Variants in MUC5AC observed in about 807,000 individuals in gnomAD.
MUC5AC encodes mucin 5AC, oligomeric mucus/gel-forming.
In MUC5AC, 158 loss-of-function variants were observed where a neutral mutation model predicts 169.7. The observed-to-expected ratio is 0.93, with a 90% CI of 0.82 to 1.06. MUC5AC has a LOEUF of 1.06. MUC5AC is among the 50% of genes least tolerant of loss of function. The pLI, the probability that MUC5AC is intolerant of heterozygous loss-of-function variation, is 0.00. For missense variants in MUC5AC, 4,359 were observed against 3,089.9 expected (o/e 1.41, Z -9.74); for synonymous variants, 1,975 against 1,237.0 (o/e 1.60, Z -12.52).
chr11:1,187,320 A>G lies in MUC5AC; in HGVS notation c.9175A>G (p.Ser3059Gly), dbSNP rs1222080419. Residue 3059 changes from serine (S) to glycine (G), a missense_variant, in exon 31 of 49, where the codon AGC (serine) becomes GGC (glycine). Coordinates refer to ENST00000621226, the MANE Select transcript of MUC5AC (RefSeq NM_001304359.2). ...CAGCACAACCTCGGCTTCTACCACCAGCATAACTTCTGGTCCTGGAACTAC... is the reference window on the plus strand; with the variant it reads ...CAGCACAACCTCGGCTTCTACCACCGGCATAACTTCTGGTCCTGGAACTAC... ...QTSTTSASTT[S>G]ITSGPGTTPS... 0.16 allele frequency: 113,524 copies of G among 715,798 alleles called. 10,569 individuals are homozygous for G. The highest frequency in any genetic ancestry group is 0.19 in the Non-Finnish European group (76,527 of 393,512). The allele number at this position is 715,798 out of a possible 1,614,324, so 44.3% of individuals were successfully genotyped here. A position where few individuals can be genotyped will look rare whatever the true frequency, so the allele number is the denominator to read the frequency against.
rs769128504 is a variant in MUC5AC at position 1,164,180 on chromosome 11, G to A, written c.864G>A (p.Leu288=). The change falls in exon 8 of 49, where the codon CTG becomes CTA. Residue 288 remains leucine, a synonymous_variant. Coordinates refer to ENST00000621226, the MANE Select transcript of MUC5AC (RefSeq NM_001304359.2). ...CVALVDVGSY[L]EACRQDLCFC... is the part of the protein sequence containing the mutation. ...CCCTGGTGGACGTCGGCAGCTACCT[G>A]GAGGCTTGCAGGCAAGACCTCTGCT... The A allele has an allele frequency of 4.3e-6, 7 of 1,612,422 alleles. No homozygotes were observed. The highest frequency in any genetic ancestry group is 5.9e-6 in the Non-Finnish European group (7 of 1,179,880).
In MUC5AC at chr11:1,190,938, A is replaced by G; in HGVS notation, c.12793A>G (p.Thr4265Ala). ...TCCAAGCCCTGTTCCCAGCACCAGT[A>G]CAACCTCTGCTGCTACAACCAGCAC... is the stretch of plus-strand genomic sequence containing the variant. ...TTPSPVPSTS[T>A]TSAATTSTTS... Residue 4265 changes from threonine to alanine, a missense_variant, in exon 31 of 49, where the codon ACA becomes GCA. Thr to Ala is a moderately conservative substitution (Grantham distance 58, BLOSUM62 0). Coordinates refer to ENST00000621226, the MANE Select transcript of MUC5AC (RefSeq NM_001304359.2). The G allele has an allele frequency of 1.4e-6, 1 of 738,360 alleles. No homozygotes were observed. Among genetic ancestry groups the G allele is most frequent in the Admixed American group, 1.8e-5 (1 of 54,872 alleles). 45.7% of individuals were successfully genotyped at this position (738,360 alleles called of 1,614,324 possible).
Position 1,190,786 on chromosome 11 carries a change from C to T in MUC5AC, c.12641C>T (p.Thr4214Ile). ...TPQTSKTSAA[T>I]SSTTSGSGTT... The stretch of plus-strand genomic sequence containing the variant: ...CAGACCAGCAAAACCTCAGCTGCTA[C>T]AAGCAGCACAACCTCCGGTTCTGGA... The change falls in exon 31 of 49, where the codon ACA becomes ATA. Residue 4214 changes from threonine to isoleucine, a missense_variant. Coordinates refer to ENST00000621226, the MANE Select transcript of MUC5AC (RefSeq NM_001304359.2). The T allele has an allele frequency of 2.8e-6, 2 of 715,138 alleles. No homozygotes were observed. Among genetic ancestry groups the T allele is most frequent in the East Asian group, 2.6e-5 (1 of 38,076 alleles). 44.3% of individuals were successfully genotyped at this position (715,138 alleles called of 1,614,324 possible).
chr11:1,170,446 C>CA (rs1303007403), intron 15 of MUC5AC, among the ~76,000 whole-genome samples: 1 of 143,826 alleles, frequency 7.0e-6, no homozygotes, highest in African/African-American at 2.6e-5. Flanking sequence ...TTCACCCACT[C>CA]ACTCACCCAC....
Position 1,189,073 on chromosome 11 carries a change from G to A in MUC5AC, c.10928G>A (p.Ser3643Asn). Residue 3643 changes from serine (S) to asparagine (N), a missense_variant, in exon 31 of 49, where the codon AGC becomes AAC. By Grantham distance (46) the Ser-to-Asn change is conservative. Transcript: ENST00000621226. Reference sequence around the variant, plus strand: ...AGCACCCCTAGTGGGAGAGCCACCAGCCCAACTCAGAGCACCTCCTCTTGG... The same window carrying A: ...AGCACCCCTAGTGGGAGAGCCACCAACCCAACTCAGAGCACCTCCTCTTGG... ...APSTPSGRAT[S>N]PTQSTSSWQK... is the part of the protein sequence containing the mutation. 1 of 627,742 alleles carries A rather than the reference G, an allele frequency of 1.6e-6. No individual in the cohort carries two copies. The highest frequency in any genetic ancestry group is 2.9e-6 in the Non-Finnish European group (1 of 350,474). The allele number at this position is 627,742 out of a possible 1,614,324, so 38.9% of individuals were successfully genotyped here. A position where few individuals can be genotyped will look rare whatever the true frequency, so the allele number is the denominator to read the frequency against.
Position 1,191,859 on chromosome 11 carries a change from G to A in MUC5AC, c.13714G>A (p.Val4572Ile), listed in dbSNP as rs2133768378. The A allele has an allele frequency of 1.3e-6, 1 of 759,232 alleles. No homozygotes were observed. Among genetic ancestry groups the A allele is most frequent in the Non-Finnish European group, 2.4e-6 (1 of 416,488 alleles). The allele number at this position is 759,232 out of a possible 1,614,324, so 47.0% of individuals were successfully genotyped here. Residue 4572 changes from valine to isoleucine, a missense_variant, in exon 31 of 49, where the codon GTT becomes ATT. Transcript: ENST00000621226. Reference sequence around the variant, plus strand: ...TGGTCCTGGAACTACTCCCAGCCCTGTTCCCACCACCAGCACAACCTCTGC... The same window carrying A: ...TGGTCCTGGAACTACTCCCAGCCCTATTCCCACCACCAGCACAACCTCTGC... ...TSGPGTTPSP[V>I]PTTSTTSAPT... is the part of the protein sequence containing the mutation.
intron 41 of MUC5AC, 51 bp from the exon 42 acceptor site, chr11:1,197,852 C>T (rs894756274): frequency 1.3e-5 from 6 of 465,532 alleles, no homozygotes; most frequent in East Asian, 5.8e-5. Flanking sequence ...GGTGGGCCTT[C>T]GGGTGGGGGC....
At chr11:1,197,853 G>T in intron 41 of MUC5AC, 50 bp from the exon 42 acceptor site, 1 of 687,918 alleles carries the variant, frequency 1.5e-6, no homozygotes, top group Non-Finnish European at 2.6e-6. Context: ...GTGGGCCTTC[G>T]GGTGGGGGCG....
Position 1,182,718 on chromosome 11 carries a change from C to A in MUC5AC, c.4573C>A (p.Pro1525Thr), listed in dbSNP as rs879197594. 2 of 398,580 alleles carry A rather than the reference C, an allele frequency of 5.0e-6. No individual in the cohort carries two copies. Among genetic ancestry groups the A allele is most frequent in the Non-Finnish European group, 8.8e-6 (2 of 226,080 alleles). The allele number at this position is 398,580 out of a possible 1,614,324, so 24.7% of individuals were successfully genotyped here. A position where few individuals can be genotyped will look rare whatever the true frequency, so the allele number is the denominator to read the frequency against. Residue 1525 changes from proline (P) to threonine (T), a missense_variant, in exon 31 of 49, where the codon CCT (proline) becomes ACT (threonine). Pro to Thr is a conservative substitution (Grantham distance 38). Transcript: ENST00000621226. ...TVSLSTARTTPAPGTATSVKK... is the reference protein window; with the variant it reads ...TVSLSTARTTTAPGTATSVKK... Reference sequence around the variant, plus strand: ...GTCTCTCTCTACAGCCAGGACGACACCTGCCCCAGGTACCGCTACCTCTGT... The same window carrying A: ...GTCTCTCTCTACAGCCAGGACGACAACTGCCCCAGGTACCGCTACCTCTGT...
At position 1,183,655 on chromosome 11, in the gene MUC5AC, G is replaced by A. The variant is rs1479474106; in HGVS notation, c.5510G>A (p.Arg1837His). ...PFKMCLNYEV[R>H]VLCCETPRGC... ...AAGATGTGCCTCAACTACGAGGTGC[G>A]TGTGCTCTGCTGCGAGACCCCCAGA... The change falls in exon 31 of 49, where the codon CGT becomes CAT. Residue 1837 changes from arginine to histidine, a missense_variant. Arg to His is a conservative substitution (Grantham distance 29). Coordinates refer to ENST00000621226, the MANE Select transcript of MUC5AC (RefSeq NM_001304359.2). The A allele has an allele frequency of 3.3e-5, 21 of 637,228 alleles. No homozygotes were observed. The highest frequency in any genetic ancestry group is 1.2e-4 in the Admixed American group (5 of 42,338). 39.5% of individuals were successfully genotyped at this position (637,228 alleles called of 1,614,324 possible).
Position 1,165,374 on chromosome 11 carries a change from C to T in MUC5AC, c.1202C>T (p.Ala401Val), listed in dbSNP as rs762231087. 1.4e-5 allele frequency: 22 copies of T among 1,612,338 alleles called. No individual in the cohort carries two copies. The African/African-American group carries it at 2.1e-4, about 16-fold the overall frequency. The change falls in exon 10 of 49, where the codon GCT becomes GTT. Residue 401 changes from alanine (A) to valine (V), a missense_variant. Physicochemically the swap from Ala to Val is moderately conservative, Grantham distance 64. Transcript: ENST00000621226. ...VSKCACVYNG[A>V]AYAPGATYST... ...AAGTGTGCCTGCGTCTACAACGGGGCTGCCTATGCCCCAGGGGCCACCTAC... is the reference window on the plus strand; with the variant it reads ...AAGTGTGCCTGCGTCTACAACGGGGTTGCCTATGCCCCAGGGGCCACCTAC...
chr11:1,184,913 G>A lies in MUC5AC; in HGVS notation c.6768G>A (p.Val2256=), dbSNP rs1860894153. The A allele has an allele frequency of 3.2e-6, 2 of 628,618 alleles. No individual in the cohort carries two copies. The allele number at this position is 628,618 out of a possible 1,614,324, so 38.9% of individuals were successfully genotyped here. Residue 2256 remains valine, a synonymous_variant, in exon 31 of 49, where the codon GTG becomes GTA. Transcript: ENST00000621226. ...AGAAATCCAGGACAACCACTTTGGT[G>A]ACAACCAGCACAACCTCCACTCCAC... ...SWQKSRTTTL[V]TTSTTSTPQT... is the part of the protein sequence containing the mutation.
At position 1,199,512 on chromosome 11, in the gene MUC5AC, C is replaced by T. The variant is rs756819973; in HGVS notation, c.16515+22C>T. 7.1e-6 allele frequency: 5 copies of T among 703,622 alleles called. 1 individual carries two copies. The highest frequency in any genetic ancestry group is 4.4e-5 in the South Asian group (3 of 67,688). The allele number at this position is 703,622 out of a possible 1,614,324, so 43.6% of individuals were successfully genotyped here. ...TCTGGTGAGGTCCAGGATCCCCGCTCCAGCCAAGGGGGGCTTCACCCCTAG... is the reference window on the plus strand; with the variant it reads ...TCTGGTGAGGTCCAGGATCCCCGCTTCAGCCAAGGGGGGCTTCACCCCTAG... On this transcript the variant is annotated intron_variant, in intron 46 of 48. Transcript: ENST00000621226.
chr11:1,172,555 C>T (rs947849981), intron 16 of MUC5AC, 32 bp downstream of exon 16: 2 of 398,648 alleles, frequency 5.0e-6, no homozygotes, highest in Middle Eastern at 6.3e-4. Flanking sequence ...CCCGGTGGGG[C>T]TCCAGCCACT....
Position 1,192,815 on chromosome 11 carries a change from G to T in MUC5AC, c.14413G>T (p.Gly4805Cys), listed in dbSNP as rs1284301160. 1 of 763,210 alleles carries T rather than the reference G, an allele frequency of 1.3e-6. No individual in the cohort carries two copies. The highest frequency in any genetic ancestry group is 1.7e-5 in the Admixed American group (1 of 58,970). 47.3% of individuals were successfully genotyped at this position (763,210 alleles called of 1,614,324 possible). ...STIYRHRDLA[G>C]HCYYALCSQD... The stretch of plus-strand genomic sequence containing the variant: ...CATATACCGCCACAGAGACCTCGCT[G>T]GCCATTGCTATTATGCCCTGTGTAG... The change falls in exon 32 of 49, where the codon GGC becomes TGC. Residue 4805 changes from glycine to cysteine, a missense_variant. Physicochemically the swap from Gly to Cys is radical, Grantham distance 159 (BLOSUM62 -3). Coordinates refer to ENST00000621226, the MANE Select transcript of MUC5AC (RefSeq NM_001304359.2).
At chr11:1,179,952 A>T (rs1386919425) in intron 26 of MUC5AC, 70 bp from the exon 27 acceptor site, 3 of 398,102 alleles carry the variant, frequency 7.5e-6, no homozygotes, top group African/African-American at 4.1e-5. Context: ...GCTTTAGAAC[A>T]GCCCTGGGGT....
intron 2 of MUC5AC, among the ~76,000 whole-genome samples, chr11:1,161,211 G>A (rs28639518): frequency 0.67 from 102,244 of 152,034 alleles, 36,402 homozygotes; most frequent in Non-Finnish European, 0.79. Flanking sequence ...CTCAGCACCT[G>A]AGAGATTGTC....
intron 12 of MUC5AC, 28 bp downstream of exon 12, chr11:1,168,015 C>T (rs983800462): frequency 7.0e-5 from 107 of 1,531,612 alleles, no homozygotes; most frequent in African/African-American, 8.3e-5. Context: ...GGGCAAACCC[C>T]GGGAAGAGGG....
In MUC5AC at chr11:1,160,686, A is replaced by C; in HGVS notation, c.148A>C (p.Ser50Arg). The C allele has an allele frequency of 6.2e-7, 1 of 1,609,408 alleles. No individual in the cohort carries two copies. The highest frequency in any genetic ancestry group is 8.5e-7 in the Non-Finnish European group (1 of 1,179,228). The stretch of plus-strand genomic sequence containing the variant: ...CCTCTCTCCTATCGCCCGGGGGCCC[A>C]GCGGTGAGTCTGAGTGTCCGGCCCC... ...PALSPIARGP[S>R]GVPLRGATVF... Residue 50 changes from serine (S) to arginine (R), a missense_variant, in exon 2 of 49, where the codon AGC becomes CGC. Transcript: ENST00000621226.
Sources: gnomAD v4.1 joint callset for allele counts (sites outside exome capture counted in the v4.1 genomes callset) on GRCh38, gnomAD v4.1.1 for gene constraint, MANE v1.5 for transcripts, NCBI Gene and HGNC (gene_info 2026-07-23, HGNC 2026-07-21) for gene names.